The following NAALADL2 variants were observed in gnomAD, a reference collection of about 807,000 sequenced individuals.
NAALADL2 encodes N-acetylated alpha-linked acidic dipeptidase like 2, also known as inactive N-acetylated-alpha-linked acidic dipeptidase-like protein 2.
In NAALADL2, 76 loss-of-function variants were observed where a neutral mutation model predicts 87.2. The observed-to-expected ratio is 0.87, with a 90% CI of 0.72 to 1.05. The LOEUF (loss-of-function observed/expected upper bound fraction) is 1.05, where lower values mean the gene tolerates loss of function less well. NAALADL2 is among the 50% of genes least tolerant of loss of function. The pLI is 0.00. For missense variants in NAALADL2, 1,089 were observed against 945.8 expected (o/e 1.15, Z -1.99); for synonymous variants, 354 against 331.0 (o/e 1.07, Z -0.75).
chr3:174,723,578 A>T (rs575998322), intron 2 of NAALADL2, among the ~76,000 whole-genome samples: 13 of 151,906 alleles, frequency 8.6e-5, no homozygotes, highest in Non-Finnish European at 1.6e-4. Context: ...ACATGGTGAA[A>T]CCCCATCTCT....
At chr3:175,764,996 G>A (rs924162051) in intron 13 of NAALADL2, among the ~76,000 whole-genome samples, 7 of 151,976 alleles carry the variant, frequency 4.6e-5, no homozygotes, top group Non-Finnish European at 1.0e-4. Flanking sequence ...TGGTCTGAAT[G>A]GAACTAAAAT....
intron 1 of NAALADL2, among the ~76,000 whole-genome samples, chr3:174,452,617 GAT>G (rs2108275206): frequency 6.6e-6 from 1 of 152,174 alleles, no homozygotes. Context: ...ATTGAGGCCC[GAT>G]ACAAGTTCCC....
chr3:175,628,108 G>C (rs937078356), intron 11 of NAALADL2, among the ~76,000 whole-genome samples: 1 of 151,630 alleles, frequency 6.6e-6, no homozygotes, highest in African/African-American at 2.4e-5. Flanking sequence ...TGACTTTATG[G>C]TGGTTCAAAA....
At position 175,014,355 on chromosome 3, in the gene NAALADL2, C is replaced by G. The variant is rs1347871609; in HGVS notation, c.44-82435C>G. On this transcript the variant is annotated intron_variant, in intron 1 of 13. Coordinates refer to ENST00000454872, the MANE Select transcript of NAALADL2 (RefSeq NM_207015.3). ...CTGCACCCCCATCCCTAAACACAATCCTTACTCCCTATTCTTAATCATTTT... is the reference window on the plus strand; with the variant it reads ...CTGCACCCCCATCCCTAAACACAATGCTTACTCCCTATTCTTAATCATTTT... Among the ~76,000 whole-genome samples, 3 of 152,218 alleles carry G rather than the reference C, an allele frequency of 2.0e-5. No homozygotes were observed. The East Asian group carries it at 5.8e-4, about 29-fold the overall frequency.
At chr3:175,549,307 C>T (rs1713941036) in intron 9 of NAALADL2, among the ~76,000 whole-genome samples, 1 of 151,970 alleles carries the variant, frequency 6.6e-6, no homozygotes. Flanking sequence ...AGACATCTAA[C>T]TGTCATGTTA....
intron 1 of NAALADL2, among the ~76,000 whole-genome samples, chr3:175,001,265 G>A (rs1203121498): frequency 6.6e-6 from 1 of 152,184 alleles, no homozygotes; most frequent in Non-Finnish European, 1.5e-5. Flanking sequence ...CTGGGAATCT[G>A]TATTTCTGAC....
At chr3:175,149,391 T>C (rs1169819575) in intron 2 of NAALADL2, among the ~76,000 whole-genome samples, 2 of 152,272 alleles carry the variant, frequency 1.3e-5, no homozygotes, top group East Asian at 3.9e-4. Flanking sequence ...AAAGACAGTC[T>C]CAAATTTTAG....
At chr3:175,472,576 G>A (rs1725064812) in intron 9 of NAALADL2, among the ~76,000 whole-genome samples, 1 of 151,836 alleles carries the variant, frequency 6.6e-6, no homozygotes, top group Non-Finnish European at 1.5e-5. Flanking sequence ...GAGTATTGCA[G>A]GAACTGAACT....
intron 1 of NAALADL2, among the ~76,000 whole-genome samples, chr3:174,992,710 T>C (rs1167895051): frequency 6.6e-6 from 1 of 152,106 alleles, no homozygotes; most frequent in African/African-American, 2.4e-5. Flanking sequence ...TATTAAAGTG[T>C]GGAAATTTAT....
chr3:175,733,854 C>T (rs930307774), intron 11 of NAALADL2, among the ~76,000 whole-genome samples: 2 of 152,190 alleles, frequency 1.3e-5, no homozygotes, highest in African/African-American at 4.8e-5. Flanking sequence ...GTCCAAAATC[C>T]AGCAGGGCAG....
At chr3:175,102,708 T>TA (rs58343627) in intron 2 of NAALADL2, among the ~76,000 whole-genome samples, 62,456 of 151,948 alleles carry the variant, frequency 0.41, 13,258 homozygotes, top group Non-Finnish European at 0.47. Context: ...TTATCATTGA[T>TA]ACAACTAAGC....
intron 13 of NAALADL2, among the ~76,000 whole-genome samples, chr3:175,798,082 G>A: frequency 6.6e-6 from 1 of 151,936 alleles, no homozygotes; most frequent in East Asian, 1.9e-4. Flanking sequence ...GAAGCTAAGT[G>A]GTTTTCAGCA....
At chr3:174,721,542 C>T (rs1731710071) in intron 2 of NAALADL2, among the ~76,000 whole-genome samples, 1 of 152,118 alleles carries the variant, frequency 6.6e-6, no homozygotes, top group African/African-American at 2.4e-5. Context: ...TCCTTGTTGG[C>T]ATTTCTCGCG....
At chr3:175,090,627 C>T (rs1432346419) in intron 1 of NAALADL2, among the ~76,000 whole-genome samples, 1 of 150,374 alleles carries the variant, frequency 6.7e-6, no homozygotes, top group Non-Finnish European at 1.5e-5. Context: ...ATTAATTTGA[C>T]ATTCTATAAG....
chr3:174,769,076 T>G (rs1714208161), intron 3 of NAALADL2, among the ~76,000 whole-genome samples: 1 of 152,034 alleles, frequency 6.6e-6, no homozygotes, highest in Admixed American at 6.5e-5. Flanking sequence ...AAATAACATC[T>G]AACTTTGGTT....
chr3:175,370,502 G>A (rs1053022629), intron 5 of NAALADL2, among the ~76,000 whole-genome samples: 2 of 151,908 alleles, frequency 1.3e-5, no homozygotes, highest in African/African-American at 2.4e-5. Flanking sequence ...CAATATATGG[G>A]GGGGGGAGGG....
intron 2 of NAALADL2, among the ~76,000 whole-genome samples, chr3:175,104,631 A>G (rs1722789475): frequency 1.3e-5 from 2 of 152,128 alleles, no homozygotes; most frequent in African/African-American, 4.8e-5. Context: ...GAAGATTGGG[A>G]GACATGAAGA....
intron 1 of NAALADL2, among the ~76,000 whole-genome samples, chr3:174,508,119 T>TTTTTTTTTTG (rs1719338341): frequency 7.1e-6 from 1 of 141,258 alleles, no homozygotes; most frequent in African/African-American, 2.7e-5. Flanking sequence ...TAGTGGTTTT[T>TTTTTTTTTTG]TTTTTTTTTT....
intron 1 of NAALADL2, among the ~76,000 whole-genome samples, chr3:174,547,466 C>T (rs1012464093): frequency 6.6e-6 from 1 of 152,034 alleles, no homozygotes. Flanking sequence ...CAAGAAGTTT[C>T]AAGAGATGAA....
Sources: allele counts gnomAD v4.1 joint callset (sites outside exome capture counted in the v4.1 genomes callset), GRCh38; gene constraint gnomAD v4.1.1; transcripts MANE v1.5; gene names NCBI Gene and HGNC (gene_info 2026-07-23, HGNC 2026-07-21).